The following PARD3B variants were observed in gnomAD, a reference collection of about 807,000 sequenced individuals.
The protein encoded by PARD3B is par-3 family cell polarity regulator beta.
Under a neutral mutation model 130.2 loss-of-function variants are expected in PARD3B, and 103 were observed. That is an observed-to-expected ratio of 0.79 (90% CI 0.67 to 0.93). PARD3B has a LOEUF of 0.93. PARD3B is among the 40% of genes least tolerant of loss of function. The pLI, the probability that PARD3B is intolerant of heterozygous loss-of-function variation, is 0.00. For missense variants in PARD3B, 1,609 were observed against 1,499.2 expected, an observed-to-expected ratio of 1.07 and a Z score of -1.21; for synonymous variants, 583 against 553.2, an observed-to-expected ratio of 1.05 and a Z score of -0.76.
intron 5 of PARD3B, among the ~76,000 whole-genome samples, chr2:205,104,752 A>G (rs867072587): frequency 5.9e-5 from 9 of 152,176 alleles, no homozygotes; most frequent in Admixed American, 2.6e-4. Context: ...TTCTGTACCC[A>G]GGATTTCTGA....
intron 2 of PARD3B, among the ~76,000 whole-genome samples, chr2:204,876,681 C>T (rs2045856735): frequency 6.6e-6 from 1 of 152,148 alleles, no homozygotes; most frequent in Admixed American, 6.5e-5. Flanking sequence ...ACCCCAGGCA[C>T]TCCTAATCCA....
At chr2:204,852,674 A>G (rs1219480187) in intron 2 of PARD3B, among the ~76,000 whole-genome samples, 2 of 151,416 alleles carry the variant, frequency 1.3e-5, no homozygotes, top group Non-Finnish European at 2.9e-5. Flanking sequence ...ACATGCAATA[A>G]TTCTACAGAA....
chr2:205,530,595 C>T lies in PARD3B; in HGVS notation c.3181-22729C>T, dbSNP rs980978666. Among the ~76,000 whole-genome samples the T allele has an allele frequency of 1.3e-5, 2 of 152,148 alleles. No homozygotes were observed. Among genetic ancestry groups the T allele is most frequent in the African/African-American group, 4.8e-5 (2 of 41,438 alleles). On this transcript the variant is annotated intron_variant, in intron 21 of 22. Coordinates refer to ENST00000406610, the MANE Select transcript of PARD3B (RefSeq NM_001302769.2). The surrounding 1 kb of genome is among the most constrained non-coding windows in gnomAD (Gnocchi z 4.7). ...CCAGAGATTTGCCCTCTTCGGGTAACACCCTTCCATCCTGAGGAGCTAGAG... is the reference window on the plus strand; with the variant it reads ...CCAGAGATTTGCCCTCTTCGGGTAATACCCTTCCATCCTGAGGAGCTAGAG...
At chr2:204,900,384 G>C (rs2046811409) in intron 2 of PARD3B, among the ~76,000 whole-genome samples, 1 of 151,994 alleles carries the variant, frequency 6.6e-6, no homozygotes, top group African/African-American at 2.4e-5. Flanking sequence ...TGCTTGATCA[G>C]TTCTGCTCTT....
intron 2 of PARD3B, among the ~76,000 whole-genome samples, chr2:204,927,926 A>C (rs1261503907): frequency 6.6e-6 from 1 of 152,180 alleles, no homozygotes; most frequent in African/African-American, 2.4e-5. Flanking sequence ...TGTATCTAGA[A>C]GAAAAAGCAT....
chr2:205,462,242 GTACT>G (rs1292779067), intron 20 of PARD3B, among the ~76,000 whole-genome samples: 1 of 152,184 alleles, frequency 6.6e-6, no homozygotes, highest in Admixed American at 6.5e-5. Context: ...TGTATTTTAA[GTACT>G]TACTTGGATT....
intron 2 of PARD3B, among the ~76,000 whole-genome samples, chr2:204,720,141 T>C (rs922694148): frequency 6.6e-6 from 1 of 152,238 alleles, no homozygotes; most frequent in Non-Finnish European, 1.5e-5. Flanking sequence ...GGATTAATTA[T>C]ACTAAAATAA....
intron 1 of PARD3B, among the ~76,000 whole-genome samples, chr2:204,656,478 T>A (rs746367114): frequency 1.3e-4 from 20 of 152,292 alleles, no homozygotes; most frequent in Middle Eastern, 3.4e-3. Flanking sequence ...ACTTCACTGT[T>A]TACAGTCTTA....
intron 2 of PARD3B, among the ~76,000 whole-genome samples, chr2:204,947,693 T>C (rs986740528): frequency 1.3e-5 from 2 of 152,120 alleles, no homozygotes; most frequent in Non-Finnish European, 2.9e-5. Flanking sequence ...ATGGCTTATC[T>C]ACAGTCTGAA....
intron 20 of PARD3B, among the ~76,000 whole-genome samples, chr2:205,483,974 C>T (rs770622533): frequency 2.6e-5 from 4 of 152,206 alleles, no homozygotes; most frequent in Non-Finnish European, 5.9e-5. Flanking sequence ...ACATGTTCCT[C>T]GCCTGTACTT....
At chr2:205,032,101 G>A (rs1027049432) in intron 3 of PARD3B, among the ~76,000 whole-genome samples, 1 of 152,152 alleles carries the variant, frequency 6.6e-6, no homozygotes, top group African/African-American at 2.4e-5. Flanking sequence ...TAGAAACACA[G>A]TACAGTTTTG....
At chr2:204,995,079 T>A (rs1266536621) in intron 3 of PARD3B, among the ~76,000 whole-genome samples, 12 of 151,842 alleles carry the variant, frequency 7.9e-5, no homozygotes, top group Non-Finnish European at 1.2e-4. Flanking sequence ...AGTTCATTTA[T>A]ATTTAAAGTT....
chr2:205,218,907 C>A (rs2038089537), intron 15 of PARD3B, among the ~76,000 whole-genome samples: 1 of 152,092 alleles, frequency 6.6e-6, no homozygotes, highest in African/African-American at 2.4e-5. Flanking sequence ...TGGTGAAACT[C>A]CATCTCCACT....
chr2:205,480,591 C>G (rs2049194458), intron 20 of PARD3B, among the ~76,000 whole-genome samples: 1 of 152,106 alleles, frequency 6.6e-6, no homozygotes, highest in African/African-American at 2.4e-5. Flanking sequence ...ATAGTGGGTG[C>G]TCAATAAATA....
At chr2:205,038,224 G>T (rs181337525) in intron 3 of PARD3B, among the ~76,000 whole-genome samples, 18 of 152,088 alleles carry the variant, frequency 1.2e-4, no homozygotes, top group Non-Finnish European at 2.4e-4. Context: ...GGAGGTTGAC[G>T]CACACATAAT....
At chr2:205,603,966 C>T (rs915558688) in intron 22 of PARD3B, among the ~76,000 whole-genome samples, 1 of 152,086 alleles carries the variant, frequency 6.6e-6, no homozygotes, top group Admixed American at 6.6e-5. Context: ...TTTCAGTGTG[C>T]TTTTGCAGTG....
chr2:204,839,949 A>C (rs1370099636), intron 2 of PARD3B, among the ~76,000 whole-genome samples: 2 of 152,190 alleles, frequency 1.3e-5, no homozygotes, highest in African/African-American at 4.8e-5. Flanking sequence ...GCCACTTAAA[A>C]GTATAATTAA....
At chr2:205,531,633 G>A (rs2051598504) in intron 21 of PARD3B, among the ~76,000 whole-genome samples, 2 of 152,076 alleles carry the variant, frequency 1.3e-5, no homozygotes, top group African/African-American at 4.8e-5. Context: ...GAAGCTTTAT[G>A]TAGCATTCAG....
Position 205,401,110 on chromosome 2 carries a change from G to T in PARD3B, c.2728G>T (p.Glu910Ter). 6.3e-7 allele frequency: 1 copy of T among 1,593,698 alleles called. No individual in the cohort carries two copies. The change falls in exon 19 of 23, where the codon GAA becomes TAA. Residue 910 changes from glutamate (E) to a stop codon, truncating the protein, a stop_gained. Coordinates refer to ENST00000406610, the MANE Select transcript of PARD3B (RefSeq NM_001302769.2). LOFTEE classifies it high-confidence loss of function. The part of the protein sequence containing the change: ...LREEELEKMK[E>*]ERERIGAKHQ... ...AGAAGAAGAGCTGGAGAAAATGAAA[G>T]AAGAGCGTGAAAGGTGAGCAGAAGT...
Sources: allele counts gnomAD v4.1 joint callset (sites outside exome capture counted in the v4.1 genomes callset), GRCh38; gene constraint gnomAD v4.1.1; non-coding constraint Gnocchi (gnomAD v3.1); transcripts MANE v1.5; gene names NCBI Gene and HGNC (gene_info 2026-07-23, HGNC 2026-07-21).